The following TMEM132D variants were observed in gnomAD, a reference collection of about 807,000 sequenced individuals.
The protein encoded by TMEM132D is mature OL transmembrane protein.
Under a neutral mutation model 62.3 loss-of-function variants are expected in TMEM132D, and 21 were observed. That is an observed-to-expected ratio of 0.34 (90% CI 0.24 to 0.49). The LOEUF is 0.49. Ranked by LOEUF, TMEM132D falls within the 20% of genes least tolerant of loss-of-function variation. The pLI is 0.99. For missense variants in TMEM132D, 1,346 were observed against 1,402.8 expected (o/e 0.96, Z 0.65); for synonymous variants, 621 against 575.6 (o/e 1.08, Z -1.13).
rs551440196 is a variant in TMEM132D at position 129,319,479 on chromosome 12, T to C, written c.1299+18155A>G. Among the ~76,000 whole-genome samples the C allele has an allele frequency of 3.3e-5, 5 of 152,302 alleles. No homozygotes were observed. The East Asian group carries it at 5.8e-4, about 18-fold the overall frequency. On this transcript the variant is annotated intron_variant, in intron 4 of 8. Coordinates refer to ENST00000422113, the MANE Select transcript of TMEM132D (RefSeq NM_133448.3). ...GTGTCTCCTGATCCTGCAGGAGCAG[T>C]CCGCTTCCTTCAGAGGGTCTCATCA...
chr12:129,758,991 T>C (rs1870262804), intron 1 of TMEM132D, among the ~76,000 whole-genome samples: 2 of 151,836 alleles, frequency 1.3e-5, no homozygotes, highest in African/African-American at 4.8e-5. Flanking sequence ...TGGAGTGCAG[T>C]GGCGCAATCT....
At chr12:129,096,701 C>T (rs1239173433) in intron 5 of TMEM132D, among the ~76,000 whole-genome samples, 1 of 152,148 alleles carries the variant, frequency 6.6e-6, no homozygotes, top group Non-Finnish European at 1.5e-5. Flanking sequence ...CACAGTGGGC[C>T]TCTTAGTTAT....
At chr12:129,765,162 A>T (rs1870510145) in intron 1 of TMEM132D, among the ~76,000 whole-genome samples, 1 of 152,130 alleles carries the variant, frequency 6.6e-6, no homozygotes, top group Non-Finnish European at 1.5e-5. Flanking sequence ...AAAAGTGTGG[A>T]TTGTCTAGAC....
intron 1 of TMEM132D, among the ~76,000 whole-genome samples, chr12:129,768,327 C>G (rs572660563): frequency 6.6e-6 from 1 of 152,126 alleles, no homozygotes; most frequent in South Asian, 2.1e-4. Flanking sequence ...ATTTTACATT[C>G]CCATCAACAT....
chr12:129,359,957 A>G lies in TMEM132D; in HGVS notation c.1116-22140T>C, dbSNP rs1023772479. 2.0e-5 allele frequency among the ~76,000 whole-genome samples: 3 copies of G among 152,286 alleles called. No individual in the cohort carries two copies. The South Asian group carries it at 6.2e-4, about 32-fold the overall frequency. ...AATCTTAATTTAAACAGGAAAAAAT[A>G]GGCCAAGCTAAATTATAACTTGTTG... On this transcript the variant is annotated intron_variant, in intron 3 of 8. Coordinates refer to ENST00000422113, the MANE Select transcript of TMEM132D (RefSeq NM_133448.3).
intron 1 of TMEM132D, among the ~76,000 whole-genome samples, chr12:129,732,195 G>A (rs1398416224): frequency 2.0e-5 from 3 of 152,156 alleles, no homozygotes; most frequent in Non-Finnish European, 2.9e-5. Context: ...GAAGCCACAT[G>A]TGACAATGCT....
At chr12:129,828,054 C>T (rs761567895) in intron 1 of TMEM132D, among the ~76,000 whole-genome samples, 3 of 152,108 alleles carry the variant, frequency 2.0e-5, no homozygotes, top group Non-Finnish European at 4.4e-5. Context: ...AGAGGAGGAA[C>T]ATTAATAACT....
At chr12:129,609,700 C>T (rs796327861) in intron 2 of TMEM132D, among the ~76,000 whole-genome samples, 34 of 152,286 alleles carry the variant, frequency 2.2e-4, no homozygotes, top group African/African-American at 5.3e-4. Context: ...CCTCATCCCA[C>T]GAAGAGGTCG....
Position 129,701,282 on chromosome 12 carries a change from C to T in TMEM132D, c.80-584G>A, listed in dbSNP as rs1393095798. ...CTTGGGGCAAAAATAGACGCAGATG[C>T]ACAATCATAAATCACATGGACAGTG... On this transcript the variant is annotated intron_variant, in intron 1 of 8. Coordinates refer to ENST00000422113, the MANE Select transcript of TMEM132D (RefSeq NM_133448.3). 2.0e-5 allele frequency among the ~76,000 whole-genome samples: 3 copies of T among 152,194 alleles called. No homozygotes were observed. In the East Asian group the frequency reaches 5.8e-4, roughly 29 times the overall value.
At chr12:129,760,642 C>T (rs919189359) in intron 1 of TMEM132D, among the ~76,000 whole-genome samples, 23 of 85,986 alleles carry the variant, frequency 2.7e-4, no homozygotes, top group African/African-American at 6.3e-4. Flanking sequence ...TCACTGCGCC[C>T]GGACTTTTTT....
chr12:129,595,196 C>T (rs533408647), intron 2 of TMEM132D, among the ~76,000 whole-genome samples: 7 of 152,332 alleles, frequency 4.6e-5, no homozygotes, highest in African/African-American at 1.2e-4. Flanking sequence ...CAACACTGTA[C>T]TGAGTGCTTA....
intron 2 of TMEM132D, among the ~76,000 whole-genome samples, chr12:129,567,372 G>C (rs1382769100): frequency 1.3e-5 from 2 of 152,152 alleles, no homozygotes; most frequent in Non-Finnish European, 2.9e-5. Flanking sequence ...GAAGTTCATT[G>C]ATAGGATTTT....
chr12:129,410,744 TA>T (rs1871945182), intron 3 of TMEM132D, among the ~76,000 whole-genome samples: 1 of 152,214 alleles, frequency 6.6e-6, no homozygotes, highest in African/African-American at 2.4e-5. Flanking sequence ...TGAATTTATA[TA>T]TTTTTTTAAC....
At chr12:129,357,522 G>GAAGGAAAGA (rs949740489) in intron 3 of TMEM132D, among the ~76,000 whole-genome samples, 3 of 150,510 alleles carry the variant, frequency 2.0e-5, no homozygotes, top group Non-Finnish European at 4.4e-5. Flanking sequence ...AAGAAAGAAG[G>GAAGGAAAGA]AAGGAAAGAA....
At chr12:129,399,194 C>T (rs1478415867) in intron 3 of TMEM132D, among the ~76,000 whole-genome samples, 5 of 147,106 alleles carry the variant, frequency 3.4e-5, no homozygotes, top group African/African-American at 1.1e-4. Flanking sequence ...CAATAGCTAA[C>T]CCACTCCAGT....
At chr12:129,468,621 A>G (rs1278616764) in intron 3 of TMEM132D, among the ~76,000 whole-genome samples, 1 of 152,220 alleles carries the variant, frequency 6.6e-6, no homozygotes, top group Non-Finnish European at 1.5e-5. Flanking sequence ...CAAGACATTA[A>G]TAAAAAAGCA....
At chr12:129,483,858 A>G (rs918450137) in intron 3 of TMEM132D, among the ~76,000 whole-genome samples, 1 of 152,232 alleles carries the variant, frequency 6.6e-6, no homozygotes, top group Non-Finnish European at 1.5e-5. Context: ...TGATGAAAAT[A>G]TCTGCATTTC....
chr12:129,354,535 G>A (rs1869975045), intron 3 of TMEM132D, among the ~76,000 whole-genome samples: 1 of 152,024 alleles, frequency 6.6e-6, no homozygotes, highest in Non-Finnish European at 1.5e-5. Context: ...TATTGGCCAG[G>A]CTGGTCTCAA....
At chr12:129,144,528 G>A (rs143236815) in intron 5 of TMEM132D, among the ~76,000 whole-genome samples, 1 of 152,124 alleles carries the variant, frequency 6.6e-6, no homozygotes, top group Non-Finnish European at 1.5e-5. Context: ...AGCTTAGACA[G>A]CCCTAGCTTA....
Sources: gnomAD v4.1 joint callset for allele counts (sites outside exome capture counted in the v4.1 genomes callset) on GRCh38, gnomAD v4.1.1 for gene constraint, MANE v1.5 for transcripts, NCBI Gene and HGNC (gene_info 2026-07-23, HGNC 2026-07-21) for gene names.